PSMD9: variants seen among roughly 807,000 people sequenced by gnomAD.
The protein encoded by PSMD9 is 26S proteasome non-ATPase regulatory subunit 9.
A neutral mutation model predicts 25.9 loss-of-function variants in PSMD9; 26 were observed. The observed-to-expected ratio is 1.00, with a 90% CI of 0.73 to 1.39. PSMD9 has a LOEUF of 1.39. Ranked by LOEUF, PSMD9 falls within the 40% of genes most tolerant of loss-of-function variation. PSMD9 has a pLI of 0.00. For missense variants in PSMD9, 303 were observed against 299.3 expected (o/e 1.01, Z -0.09); for synonymous variants, 110 against 114.5 (o/e 0.96, Z 0.25).
intron 4 of PSMD9, among the ~76,000 whole-genome samples, chr12:121,912,388 C>T (rs1481563064): frequency 6.6e-6 from 1 of 152,122 alleles, no homozygotes; most frequent in Non-Finnish European, 1.5e-5. Flanking sequence ...TGCACCGTTT[C>T]ACATTCCCAC....
rs534754080 is a variant in PSMD9 at position 121,890,042 on chromosome 12, C to T, written c.138+1048C>T. On this transcript the variant is annotated intron_variant, in intron 1 of 5. Transcript: ENST00000541212. ...AAGTGATTCTCCTGCCTCAGCCTCC[C>T]GAGTAGTAGGGATTACAGGCGAGCG... Among the ~76,000 whole-genome samples the T allele has an allele frequency of 3.3e-5, 5 of 152,100 alleles. No homozygotes were observed. The South Asian group carries it at 8.3e-4, about 25-fold the overall frequency.
At chr12:121,907,835 T>C (rs1879606080) in intron 4 of PSMD9, among the ~76,000 whole-genome samples, 1 of 151,986 alleles carries the variant, frequency 6.6e-6, no homozygotes, top group Admixed American at 6.6e-5. Context: ...AGGCCAGGAG[T>C]TTGAGACCAG....
At chr12:121,900,447 T>C (rs984901318) in intron 3 of PSMD9, among the ~76,000 whole-genome samples, 4 of 151,944 alleles carry the variant, frequency 2.6e-5, no homozygotes, top group African/African-American at 7.3e-5. Context: ...TCCCAGCATG[T>C]TGGGAGGCCG....
chr12:121,888,988 G>A lies in PSMD9; in HGVS notation c.132G>A (p.Leu44=), dbSNP rs780394191. 1.8e-5 allele frequency: 28 copies of A among 1,585,098 alleles called. No homozygotes were observed. The highest frequency in any genetic ancestry group is 2.7e-5 in the African/African-American group (2 of 74,734). ...EAQIKANYDV[L]ESQKGIGMNE... Reference sequence around the variant, plus strand: ...AGATCAAGGCCAACTATGACGTGCTGGAAAGCGTGAGTGTGGGTTCGGGGC... The same window carrying A: ...AGATCAAGGCCAACTATGACGTGCTAGAAAGCGTGAGTGTGGGTTCGGGGC... The change falls in exon 1 of 6, where the codon CTG becomes CTA. Residue 44 remains leucine (L), a synonymous_variant. Transcript: ENST00000541212.
intron 1 of PSMD9, 70 bp from the exon 2 acceptor site, chr12:121,894,669 G>T: frequency 1.5e-6 from 2 of 1,307,122 alleles, no homozygotes; most frequent in Non-Finnish European, 2.2e-6. Flanking sequence ...CAGAGGAGAA[G>T]GGTCTGGGGA....
intron 4 of PSMD9, chr12:121,914,719 T>C (rs1879844058): frequency 6.6e-6 from 1 of 151,726 alleles, no homozygotes; most frequent in South Asian, 2.1e-4. Flanking sequence ...CTGAGCATGG[T>C]GCTGCATGCC....
chr12:121,899,617 T>C lies in PSMD9; in HGVS notation c.242-17T>C, dbSNP rs1165352878. ...CCACTGTCTTCCTTGGCCCCTGATG[T>C]GTGGTTCTCATCCCAGGCCTGCAGA... is the stretch of plus-strand genomic sequence containing the variant. On this transcript the variant is annotated splice_polypyrimidine_tract_variant and intron_variant, in intron 2 of 5. Coordinates refer to ENST00000541212, the MANE Select transcript of PSMD9 (RefSeq NM_002813.7). 3 of 1,581,720 alleles carry C rather than the reference T, an allele frequency of 1.9e-6. No homozygotes were observed. The highest frequency in any genetic ancestry group is 2.6e-6 in the Non-Finnish European group (3 of 1,163,146).
At chr12:121,899,580 G>A in intron 2 of PSMD9, 54 bp from the exon 3 acceptor site, 5 of 1,479,680 alleles carry the variant, frequency 3.4e-6, no homozygotes, top group Non-Finnish European at 3.7e-6. Context: ...AAATGTAGGA[G>A]TCTTGTGTCC....
intron 4 of PSMD9, among the ~76,000 whole-genome samples, chr12:121,912,528 T>C (rs1879755322): frequency 6.6e-6 from 1 of 152,134 alleles, no homozygotes; most frequent in East Asian, 1.9e-4. Context: ...ACATGGAGCA[T>C]CTTTTCCTGT....
chr12:121,911,214 A>G (rs1016715572), intron 4 of PSMD9, among the ~76,000 whole-genome samples: 6 of 151,974 alleles, frequency 3.9e-5, no homozygotes, highest in African/African-American at 1.5e-4. Flanking sequence ...TAATTTTTGT[A>G]TTTTTAGTAG....
intron 1 of PSMD9, among the ~76,000 whole-genome samples, chr12:121,893,444 G>A (rs533726726): frequency 6.6e-6 from 1 of 152,322 alleles, no homozygotes; most frequent in East Asian, 1.9e-4. Context: ...TATGACTTCT[G>A]CGCGTAGTCG....
chr12:121,910,869 A>G, intron 4 of PSMD9: 3 of 439,236 alleles, frequency 6.8e-6, no homozygotes, highest in South Asian at 4.9e-5. Flanking sequence ...CCCATCTCCA[A>G]AACTTTTTCA....
At position 121,888,846 on chromosome 12, in the gene PSMD9, C is replaced by G; in HGVS notation, c.-11C>G. The G allele has an allele frequency of 6.3e-7, 1 of 1,599,472 alleles. No individual in the cohort carries two copies. The highest frequency in any genetic ancestry group is 8.5e-7 in the Non-Finnish European group (1 of 1,174,174). On this transcript the variant is annotated 5_prime_UTR_variant, in exon 1 of 6. Coordinates refer to ENST00000541212, the MANE Select transcript of PSMD9 (RefSeq NM_002813.7). ...GAGCCGGGTCTCTGGAGTCGCGGCC[C>G]GGGGTTCACGATGTCCGACGAGGAA...
chr12:121,894,822 C>G lies in PSMD9; in HGVS notation c.222C>G (p.Thr74=). 1 of 1,613,664 alleles carries G rather than the reference C, an allele frequency of 6.2e-7. No homozygotes were observed. The highest frequency in any genetic ancestry group is 1.1e-5 in the South Asian group (1 of 90,960). Residue 74 remains threonine (T), a synonymous_variant, in exon 2 of 6, where the codon ACC becomes ACG. Coordinates refer to ENST00000541212, the MANE Select transcript of PSMD9 (RefSeq NM_002813.7). The stretch of plus-strand genomic sequence containing the variant: ...ACGTGGACCTGTACCAAGTCCGCAC[C>G]GCCAGGCACAACATCATATGTGAGT... ...RSDVDLYQVR[T]ARHNIICLQN...
At position 121,911,800 on chromosome 12, in the gene PSMD9, C is replaced by G. The variant is rs868152183; in HGVS notation, c.556-4056C>G. Among the ~76,000 whole-genome samples the G allele has an allele frequency of 6.0e-5, 9 of 151,170 alleles. No homozygotes were observed. In the South Asian group the frequency reaches 1.7e-3, roughly 28 times the overall value. ...CCTGAGTAGCTGGGATTACAGGCAC[C>G]CACCACCACTCCCAGCTAATTTTTG... On this transcript the variant is annotated intron_variant, in intron 4 of 5. Coordinates refer to ENST00000541212, the MANE Select transcript of PSMD9 (RefSeq NM_002813.7).
rs71453586 is a variant in PSMD9 at position 121,912,006 on chromosome 12, CTTATTTATTTATTTATTTATTTAT to C, written c.556-3819_556-3796del. ...CTTCCAGGTTTCTGGAATGAGCTTG[CTTATTTATTTATTTATTTATTTAT>C]TTATTTATTTATTTATTTATTTATT... On this transcript the variant is annotated intron_variant, in intron 4 of 5. Coordinates refer to ENST00000541212, the MANE Select transcript of PSMD9 (RefSeq NM_002813.7). Among the ~76,000 whole-genome samples the C allele has an allele frequency of 2.6e-4, 36 of 136,586 alleles. No homozygotes were observed. In the East Asian group the frequency reaches 3.2e-3, roughly 12 times the overall value. The allele number at this position is 136,586 out of a possible 152,430, so 89.6% of individuals were successfully genotyped here. A position where few individuals can be genotyped will look rare whatever the true frequency, so the allele number is the denominator to read the frequency against.
chr12:121,892,593 C>T (rs945071061), intron 1 of PSMD9, among the ~76,000 whole-genome samples: 6 of 151,364 alleles, frequency 4.0e-5, no homozygotes, highest in East Asian at 3.9e-4. Context: ...CCCAGCTACT[C>T]GGGAGGCTGA....
chr12:121,910,843 T>C, intron 4 of PSMD9: 1 of 397,832 alleles, frequency 2.5e-6, no homozygotes, highest in Non-Finnish European at 5.1e-6. Context: ...TTTGCAAATA[T>C]CACCCCTACC....
At chr12:121,894,396 G>A (rs776860462) in intron 1 of PSMD9, 46 of 213,076 alleles carry the variant, frequency 2.2e-4, no homozygotes, top group Non-Finnish European at 3.5e-4. Context: ...CAGCAGCCAG[G>A]TGTCAGCCAC....
Sources: gnomAD v4.1 joint callset for allele counts (sites outside exome capture counted in the v4.1 genomes callset) on GRCh38, gnomAD v4.1.1 for gene constraint, MANE v1.5 for transcripts, NCBI Gene and HGNC (gene_info 2026-07-23, HGNC 2026-07-21) for gene names.